Variants in CACNB2 observed in about 807,000 individuals in gnomAD.
The protein encoded by CACNB2 is voltage-dependent L-type calcium channel subunit beta-2.
In CACNB2, 42 loss-of-function variants were observed where a neutral mutation model predicts 73.3. The ratio of observed to expected loss-of-function variants is 0.57; its 90% CI spans 0.45 to 0.74. CACNB2 has a LOEUF of 0.74. Among genes scored for constraint, CACNB2 ranks in the 30% least tolerant of loss-of-function variants. The probability of loss-of-function intolerance (pLI) is 0.00; values close to 1 mark genes in which losing one functional copy is unlikely to be tolerated. For missense variants in CACNB2, 940 were observed against 853.0 expected, an observed-to-expected ratio of 1.10 and a Z score of -1.27; for synonymous variants, 348 against 310.3, an observed-to-expected ratio of 1.12 and a Z score of -1.28.
At chr10:18,192,310 G>C (rs2034439380) in intron 2 of CACNB2, among the ~76,000 whole-genome samples, 1 of 135,976 alleles carries the variant, frequency 7.4e-6, no homozygotes, top group Non-Finnish European at 1.6e-5. Context: ...TCATTGAAGT[G>C]AAATTTATGT....
chr10:18,356,131 C>T (rs927248376), intron 2 of CACNB2, among the ~76,000 whole-genome samples: 3 of 152,202 alleles, frequency 2.0e-5, no homozygotes, highest in Admixed American at 6.5e-5. Context: ...ACACAGCCCT[C>T]CCTTCCCACC....
chr10:18,272,927 A>C (rs969124464), intron 2 of CACNB2, among the ~76,000 whole-genome samples: 5 of 152,158 alleles, frequency 3.3e-5, no homozygotes, highest in African/African-American at 4.8e-5. Context: ...GTTGGTCCCC[A>C]AAAAAATGCA....
chr10:18,495,124 T>C (rs533789486), intron 3 of CACNB2, among the ~76,000 whole-genome samples: 1 of 152,254 alleles, frequency 6.6e-6, no homozygotes, highest in East Asian at 1.9e-4. Flanking sequence ...AAGAGGCTTT[T>C]GTACAAACAT....
chr10:18,467,221 A>G (rs2047941025), intron 3 of CACNB2, among the ~76,000 whole-genome samples: 1 of 152,186 alleles, frequency 6.6e-6, no homozygotes, highest in South Asian at 2.1e-4. Context: ...CTCTGAAATA[A>G]TCTATTCTAA....
chr10:18,389,793 G>C (rs965112114), intron 2 of CACNB2, among the ~76,000 whole-genome samples: 1 of 152,180 alleles, frequency 6.6e-6, no homozygotes, highest in Non-Finnish European at 1.5e-5. Context: ...CTGACATTGT[G>C]AATTGGGACT....
At position 18,140,722 on chromosome 10, in the gene CACNB2, GC is replaced by G. The variant is rs2030288511; in HGVS notation, c.-13del. On this transcript the variant is annotated 5_prime_UTR_variant, in exon 1 of 14. Transcript: ENST00000324631. ...CCGGGGGCTGGCTGCTTCGCTCCGA[GC>G]CGACTTTTCGCCAATGGTCCAAAGG... 1 of 1,587,278 alleles carries G rather than the reference GC, an allele frequency of 6.3e-7. No individual in the cohort carries two copies. Among genetic ancestry groups the G allele is most frequent in the East Asian group, 2.3e-5 (1 of 43,840 alleles).
chr10:18,147,107 T>A (rs2031066521), intron 1 of CACNB2, among the ~76,000 whole-genome samples: 1 of 152,160 alleles, frequency 6.6e-6, no homozygotes, highest in South Asian at 2.1e-4. Context: ...ATTATTCCTG[T>A]CTCCTTCAAT....
intron 6 of CACNB2, among the ~76,000 whole-genome samples, chr10:18,507,269 G>A (rs2050542237): frequency 6.6e-6 from 1 of 152,184 alleles, no homozygotes; most frequent in East Asian, 1.9e-4. Flanking sequence ...TAGAGGATTG[G>A]CCTGTTGTGG....
chr10:18,376,194 A>G (rs944236557), intron 2 of CACNB2, among the ~76,000 whole-genome samples: 11 of 152,204 alleles, frequency 7.2e-5, no homozygotes, highest in African/African-American at 2.4e-4. Flanking sequence ...TTGCAGCAAT[A>G]TGGATGAAAC....
intron 3 of CACNB2, among the ~76,000 whole-genome samples, chr10:18,480,854 C>T (rs1356949753): frequency 6.6e-6 from 1 of 152,148 alleles, no homozygotes; most frequent in Non-Finnish European, 1.5e-5. Context: ...TTTCTAACCA[C>T]ATAGGAGACT....
chr10:18,283,225 G>T (rs1462799233), intron 2 of CACNB2, among the ~76,000 whole-genome samples: 2 of 152,202 alleles, frequency 1.3e-5, no homozygotes, highest in African/African-American at 4.8e-5. Context: ...GTTGATGGGA[G>T]TGTAAACTAG....
At chr10:18,152,232 A>C (rs1471333191) in intron 2 of CACNB2, among the ~76,000 whole-genome samples, 1 of 152,172 alleles carries the variant, frequency 6.6e-6, no homozygotes, top group Non-Finnish European at 1.5e-5. Flanking sequence ...CCCCGCTTGC[A>C]ACATTTGAGT....
chr10:18,371,209 G>T (rs985363525), intron 2 of CACNB2, among the ~76,000 whole-genome samples: 5 of 151,256 alleles, frequency 3.3e-5, no homozygotes, highest in Admixed American at 1.3e-4. Context: ...TTTTTATTTT[G>T]TTTTTTTTAA....
At chr10:18,213,882 A>G (rs965715375) in intron 2 of CACNB2, among the ~76,000 whole-genome samples, 3 of 152,200 alleles carry the variant, frequency 2.0e-5, no homozygotes, top group African/African-American at 4.8e-5. Context: ...ATGCATGTAA[A>G]CTACTAAGTT....
intron 3 of CACNB2, among the ~76,000 whole-genome samples, chr10:18,487,141 C>G (rs1047710295): frequency 1.3e-5 from 2 of 152,154 alleles, no homozygotes; most frequent in Non-Finnish European, 2.9e-5. Flanking sequence ...CCACCCTAAT[C>G]TTTCATGCAG....
chr10:18,457,059 G>A (rs771854333), intron 3 of CACNB2, among the ~76,000 whole-genome samples: 2 of 151,182 alleles, frequency 1.3e-5, no homozygotes, highest in Admixed American at 6.6e-5. Context: ...ATGATGCTAT[G>A]AGCATGGGTG....
At chr10:18,512,988 C>T (rs894726670) in intron 6 of CACNB2, 16 of 205,262 alleles carry the variant, frequency 7.8e-5, no homozygotes, top group Admixed American at 6.8e-4. Flanking sequence ...TTGCAGTTTT[C>T]GCTGCATCTC....
At chr10:18,194,317 C>T (rs2034534122) in intron 2 of CACNB2, among the ~76,000 whole-genome samples, 1 of 152,116 alleles carries the variant, frequency 6.6e-6, no homozygotes, top group African/African-American at 2.4e-5. Flanking sequence ...AACTCCAGGC[C>T]CCCCAGCTGA....
chr10:18,485,183 T>G (rs1425314156), intron 3 of CACNB2, among the ~76,000 whole-genome samples: 1 of 152,142 alleles, frequency 6.6e-6, no homozygotes, highest in African/African-American at 2.4e-5. Flanking sequence ...TGTAGGAACT[T>G]TTGCCCATAT....
Sources: allele counts gnomAD v4.1 joint callset (sites outside exome capture counted in the v4.1 genomes callset), GRCh38; gene constraint gnomAD v4.1.1; transcripts MANE v1.5; gene names NCBI Gene and HGNC (gene_info 2026-07-23, HGNC 2026-07-21).